TTC21A: variants seen among roughly 807,000 people sequenced by gnomAD.
TTC21A encodes tetratricopeptide repeat domain 21A.
Under a neutral mutation model 156.4 loss-of-function variants are expected in TTC21A, and 128 were observed. That is an observed-to-expected ratio of 0.82 (90% CI 0.71 to 0.95). The LOEUF (loss-of-function observed/expected upper bound fraction) is 0.95, where lower values mean the gene tolerates loss of function less well. Ranked by LOEUF, TTC21A falls within the 40% of genes least tolerant of loss-of-function variation. The pLI is 0.00. For synonymous variants in TTC21A, 587 were observed against 617.1 expected (o/e 0.95, Z 0.72); for missense variants, 1,435 against 1,602.3 (o/e 0.90, Z 1.78).
chr3:39,114,462 C>T, intron 5 of TTC21A, 123 bp from the exon 6 acceptor site: 1 of 910,760 alleles, frequency 1.1e-6, no homozygotes, highest in Admixed American at 1.9e-5. Flanking sequence ...CTGAGAGGAC[C>T]CACGGTGCCC....
rs777108133 is a variant in TTC21A at position 39,112,550 on chromosome 3, C to T, written c.528C>T (p.Asp176=). Residue 176 remains aspartate (D), a synonymous_variant, in exon 5 of 29, where the codon GAC becomes GAT. Transcript: ENST00000683103. ...AIEYLEQGIQ[D]TKDVLGLMGK... is the part of the protein sequence containing the mutation. ...AGTACCTGGAACAAGGAATTCAGGA[C>T]ACCAAAGATGTGCTGGGGCTGATGG... 10 of 1,614,132 alleles carry T rather than the reference C, an allele frequency of 6.2e-6. No individual in the cohort carries two copies. The East Asian group carries it at 2.0e-4, about 32-fold the overall frequency.
chr3:39,114,810 G>A, intron 6 of TTC21A, 68 bp downstream of exon 6: 4 of 1,576,074 alleles, frequency 2.5e-6, no homozygotes, highest in Non-Finnish European at 3.5e-6. Flanking sequence ...AGCTGGGGAG[G>A]CAGGAGAACA....
chr3:39,138,030 C>T lies in TTC21A; in HGVS notation c.3676-237C>T, dbSNP rs532286882. On this transcript the variant is annotated intron_variant, in intron 26 of 28. Transcript: ENST00000683103. Reference sequence around the variant, plus strand: ...CAGAGCAGGCCAGGAATGGGAGTGGCGGAACAGGAGGGCTACAGGGAAAGG... The same window carrying T: ...CAGAGCAGGCCAGGAATGGGAGTGGTGGAACAGGAGGGCTACAGGGAAAGG... Among the ~76,000 whole-genome samples, 13 of 152,136 alleles carry T rather than the reference C, an allele frequency of 8.5e-5. No homozygotes were observed. In the East Asian group the frequency reaches 1.9e-3, roughly 23 times the overall value.
intron 1 of TTC21A, chr3:39,108,215 C>G: frequency 2.0e-6 from 1 of 491,096 alleles, no homozygotes; most frequent in Non-Finnish European, 3.6e-6. Flanking sequence ...TAACTCATAC[C>G]TCTTCCCTAT....
chr3:39,119,793 G>T, intron 7 of TTC21A, 129 bp from the exon 8 acceptor site: 1 of 672,574 alleles, frequency 1.5e-6, no homozygotes, highest in Non-Finnish European at 2.7e-6. Flanking sequence ...AATTTCTGGG[G>T]GGTTGTGCCT....
intron 11 of TTC21A, 114 bp from the exon 12 acceptor site, chr3:39,126,147 A>G: frequency 7.5e-7 from 1 of 1,324,886 alleles, no homozygotes. Context: ...GAGGATAATA[A>G]ATAAGTGTGG....
At chr3:39,138,460 C>T (rs1385762636) in intron 27 of TTC21A, 73 bp downstream of exon 27, 1 of 1,613,322 alleles carries the variant, frequency 6.2e-7, no homozygotes, top group Admixed American at 1.7e-5. Context: ...CACCATGACC[C>T]CAGAACTCAA....
Position 39,137,159 on chromosome 3 carries a change from C to T in TTC21A, c.3258-36C>T, listed in dbSNP as rs372003036. ...GGTGAGGGCCACACGGGCAGGCCAC[C>T]GGCCTGTGTCTGATACCCAGGTCTA... On this transcript the variant is annotated intron_variant, in intron 24 of 28. Transcript: ENST00000683103. The T allele has an allele frequency of 2.2e-4, 358 of 1,601,608 alleles. No homozygotes were observed. In the African/African-American group the frequency reaches 2.4e-3, roughly 11 times the overall value.
chr3:39,130,433 G>T lies in TTC21A; in HGVS notation c.2319+75G>T, dbSNP rs1462325510. ...GAAGGAGGAGGACGGTACATGACTG[G>T]GGAGCTCTGGGTGGGAGGAGAGTGG... On this transcript the variant is annotated intron_variant, in intron 17 of 28. Coordinates refer to ENST00000683103, the MANE Select transcript of TTC21A (RefSeq NM_001366900.1). The surrounding 1 kb of genome is among the most constrained non-coding windows in gnomAD (Gnocchi z 4.5). 2.4e-6 allele frequency: 3 copies of T among 1,245,568 alleles called. No homozygotes were observed. The highest frequency in any genetic ancestry group is 3.4e-6 in the Non-Finnish European group (3 of 888,388). The allele number at this position is 1,245,568 out of a possible 1,614,324, so 77.2% of individuals were successfully genotyped here.
chr3:39,126,121 A>C, intron 11 of TTC21A, 140 bp from the exon 12 acceptor site: 1 of 1,054,634 alleles, frequency 9.5e-7, no homozygotes. Flanking sequence ...TCGTGCTCTA[A>C]GCACTAGGTG....
At chr3:39,126,157 G>A in intron 11 of TTC21A, 104 bp from the exon 12 acceptor site, 1 of 1,428,614 alleles carries the variant, frequency 7.0e-7, no homozygotes, top group Admixed American at 1.8e-5. Context: ...AATAAGTGTG[G>A]AATGAAGCAA....
chr3:39,130,091 A>C lies in TTC21A; in HGVS notation c.2148A>C (p.Glu716Asp). ...CTCTTGCTTGCAGTGAGCTCTGTGA[A>C]CATCTGCCTGGCCCCCACACCAGCC... is the stretch of plus-strand genomic sequence containing the variant. ...LYIRCYRELC[E>D]HLPGPHTSLL... The change falls in exon 16 of 29, where the codon GAA becomes GAC. Residue 716 changes from glutamate to aspartate, a missense_variant. Coordinates refer to ENST00000683103, the MANE Select transcript of TTC21A (RefSeq NM_001366900.1). This position sits in a 1 kb window ranked among gnomAD's most constrained non-coding sequence, Gnocchi z 4.5. 2 of 1,614,094 alleles carry C rather than the reference A, an allele frequency of 1.2e-6. No individual in the cohort carries two copies. The highest frequency in any genetic ancestry group is 1.7e-6 in the Non-Finnish European group (2 of 1,180,016).
chr3:39,119,665 AC>A, intron 7 of TTC21A: 7 of 319,230 alleles, frequency 2.2e-5, no homozygotes, highest in Middle Eastern at 8.8e-4. Flanking sequence ...AAAAAAAAAA[AC>A]AAATTCAAGA....
intron 5 of TTC21A, 36 bp downstream of exon 5, chr3:39,112,616 T>C (rs765924760): frequency 6.2e-7 from 1 of 1,609,916 alleles, no homozygotes; most frequent in South Asian, 1.1e-5. Flanking sequence ...GAAGTATTCC[T>C]GGCCAGGCCA....
At position 39,126,337 on chromosome 3, in the gene TTC21A, C is replaced by T. The variant is rs776758638; in HGVS notation, c.1469C>T (p.Ala490Val). 3 of 1,614,128 alleles carry T rather than the reference C, an allele frequency of 1.9e-6. No homozygotes were observed. The highest frequency in any genetic ancestry group is 2.5e-6 in the Non-Finnish European group (3 of 1,180,014). Residue 490 changes from alanine (A) to valine (V), a missense_variant, in exon 12 of 29, where the codon GCA (alanine) becomes GTA (valine). Physicochemically the swap from Ala to Val is moderately conservative, Grantham distance 64 (BLOSUM62 0). Transcript: ENST00000683103. ...AVILNPVVKA[A>V]PALIDPLYLM... ...ATCTTGAATCCTGTAGTCAAAGCAG[C>T]ACCAGCTCTGATCGACCCCCTGTAT...
chr3:39,114,671 A>G lies in TTC21A; in HGVS notation c.645A>G (p.Pro215=). ...CTGTGACTTCAGGGAGCTTCCTGCC[A>G]GCCCTCGTCCTGAAGATGCAGCTGT... ...QITVTSGSFL[P]ALVLKMQLFL... The change falls in exon 6 of 29, where the codon CCA becomes CCG. Residue 215 remains proline, a synonymous_variant. Coordinates refer to ENST00000683103, the MANE Select transcript of TTC21A (RefSeq NM_001366900.1). 3.1e-6 allele frequency: 5 copies of G among 1,614,234 alleles called. No homozygotes were observed. Among genetic ancestry groups the G allele is most frequent in the Non-Finnish European group, 4.2e-6 (5 of 1,180,040 alleles).
Position 39,110,461 on chromosome 3 carries a change from C to A in TTC21A, c.268+322C>A, listed in dbSNP as rs1461338195. The A allele has an allele frequency of 5.9e-6, 3 of 510,046 alleles. No homozygotes were observed. In the East Asian group the frequency reaches 1.1e-4, roughly 19 times the overall value. The allele number at this position is 510,046 out of a possible 1,614,324, so 31.6% of individuals were successfully genotyped here. A position where few individuals can be genotyped will look rare whatever the true frequency, so the allele number is the denominator to read the frequency against. ...AAAAACCAAGCCAATATATATAATT[C>A]TACCCCTAATCTCCACATTTCTAGA... On this transcript the variant is annotated intron_variant, in intron 3 of 28. Transcript: ENST00000683103.
At chr3:39,138,644 G>T in intron 28 of TTC21A, 21 bp downstream of exon 28, 2 of 1,614,060 alleles carry the variant, frequency 1.2e-6, no homozygotes, top group Non-Finnish European at 1.7e-6. Flanking sequence ...AGCCTTGGTG[G>T]GGAGGGCCTG....
At chr3:39,132,883 CAT>C (rs1553685764) in intron 19 of TTC21A, 167 bp from the exon 20 acceptor site, 3 of 658,950 alleles carry the variant, frequency 4.6e-6, no homozygotes, top group Non-Finnish European at 7.9e-6. Context: ...CAGCTTGCCT[CAT>C]GTGTACTCAG....
Sources: allele counts gnomAD v4.1 joint callset (sites outside exome capture counted in the v4.1 genomes callset), GRCh38; gene constraint gnomAD v4.1.1; non-coding constraint Gnocchi (gnomAD v3.1); transcripts MANE v1.5; gene names NCBI Gene and HGNC (gene_info 2026-07-23, HGNC 2026-07-21).